CSMD3: variants seen among roughly 807,000 people sequenced by gnomAD.
CSMD3 encodes the protein CUB and sushi domain-containing protein 3.
Under a neutral mutation model 435.2 loss-of-function variants are expected in CSMD3, and 177 were observed. The ratio of observed to expected loss-of-function variants is 0.41; its 90% CI spans 0.36 to 0.46. The LOEUF is 0.46. Among genes scored for constraint, CSMD3 ranks in the 20% least tolerant of loss-of-function variants. CSMD3 has a pLI of 0.34. For missense variants in CSMD3, 4,265 were observed against 4,504.6 expected (o/e 0.95, Z 1.52); for synonymous variants, 1,656 against 1,520.5 (o/e 1.09, Z -2.07).
At chr8:112,831,386 T>C (rs1021958425) in intron 11 of CSMD3, among the ~76,000 whole-genome samples, 34 of 151,690 alleles carry the variant, frequency 2.2e-4, no homozygotes, top group Admixed American at 2.1e-3. Context: ...CATCTTTTGG[T>C]ACACATTTTC....
chr8:113,040,846 CA>C (rs1261337250), intron 5 of CSMD3, among the ~76,000 whole-genome samples: 1 of 151,902 alleles, frequency 6.6e-6, no homozygotes, highest in Non-Finnish European at 1.5e-5. Flanking sequence ...AATAGAAGAC[CA>C]ATAACTTGCT....
chr8:113,088,506 T>C (rs944684790), intron 5 of CSMD3, among the ~76,000 whole-genome samples: 1 of 150,826 alleles, frequency 6.6e-6, no homozygotes, highest in South Asian at 2.1e-4. Context: ...GTGGCACATA[T>C]ACACCATGGA....
chr8:113,035,983 A>G (rs969445845), intron 5 of CSMD3, among the ~76,000 whole-genome samples: 1 of 151,978 alleles, frequency 6.6e-6, no homozygotes, highest in African/African-American at 2.4e-5. Flanking sequence ...ACTATTGCTT[A>G]TAACAAATTT....
intron 38 of CSMD3, among the ~76,000 whole-genome samples, chr8:112,365,299 G>T (rs1827657483): frequency 6.6e-6 from 1 of 151,780 alleles, no homozygotes. Flanking sequence ...ATTAATATTT[G>T]AAACTTATTT....
At chr8:112,332,256 A>G (rs1281344109) in intron 45 of CSMD3, among the ~76,000 whole-genome samples, 1 of 152,146 alleles carries the variant, frequency 6.6e-6, no homozygotes, top group Non-Finnish European at 1.5e-5. Flanking sequence ...GAGTAAGTGT[A>G]ATCATAGAAG....
chr8:112,258,498 T>C (rs1182164753), intron 61 of CSMD3, among the ~76,000 whole-genome samples: 3 of 152,142 alleles, frequency 2.0e-5, no homozygotes, highest in African/African-American at 7.2e-5. Flanking sequence ...AAAGAAGACA[T>C]TTATGCAGCC....
chr8:112,848,185 T>C (rs2129674837), intron 11 of CSMD3, among the ~76,000 whole-genome samples: 1 of 152,266 alleles, frequency 6.6e-6, no homozygotes, highest in East Asian at 1.9e-4. Flanking sequence ...AATGTTGTAA[T>C]GAAGTTTTAT....
chr8:112,809,872 C>T (rs1472942595), intron 12 of CSMD3, among the ~76,000 whole-genome samples: 1 of 152,166 alleles, frequency 6.6e-6, no homozygotes, highest in Non-Finnish European at 1.5e-5. Flanking sequence ...TCAAGAACCT[C>T]CAAGCCATTC....
intron 4 of CSMD3, among the ~76,000 whole-genome samples, chr8:113,133,902 G>T: frequency 2.0e-5 from 3 of 152,062 alleles, no homozygotes; most frequent in Middle Eastern, 6.8e-3. Flanking sequence ...ATGCAGAGGG[G>T]GTAAAGAGGA....
intron 13 of CSMD3, among the ~76,000 whole-genome samples, chr8:112,788,128 T>C (rs2078598574): frequency 6.6e-6 from 1 of 152,140 alleles, no homozygotes; most frequent in Non-Finnish European, 1.5e-5. Context: ...TAAAAAAGTC[T>C]CTTTCAGCTC....
chr8:113,111,713 G>A (rs530631541), intron 4 of CSMD3, among the ~76,000 whole-genome samples: 13 of 152,118 alleles, frequency 8.5e-5, no homozygotes, highest in East Asian at 7.7e-4. Flanking sequence ...AGGGAGTCTC[G>A]CTTTGTCGCT....
chr8:113,212,504 A>T (rs1235901278), intron 3 of CSMD3, among the ~76,000 whole-genome samples: 1 of 152,164 alleles, frequency 6.6e-6, no homozygotes, highest in East Asian at 1.9e-4. Flanking sequence ...CTTTTCTTTC[A>T]TGCTATATTA....
intron 13 of CSMD3, among the ~76,000 whole-genome samples, chr8:112,749,748 C>T (rs980842521): frequency 1.3e-5 from 2 of 152,068 alleles, no homozygotes; most frequent in African/African-American, 4.8e-5. Context: ...AAGTTTTATG[C>T]TCCCTTGGTT....
chr8:112,565,394 CAACA>C (rs1316878963), intron 24 of CSMD3, among the ~76,000 whole-genome samples: 1 of 152,028 alleles, frequency 6.6e-6, no homozygotes, highest in East Asian at 1.9e-4. Flanking sequence ...ACATTGCCAA[CAACA>C]AACCGGTAAC....
At chr8:112,570,065 C>G (rs981620198) in intron 24 of CSMD3, among the ~76,000 whole-genome samples, 1 of 151,368 alleles carries the variant, frequency 6.6e-6, no homozygotes, top group African/African-American at 2.5e-5. Flanking sequence ...TTAGAGTTGG[C>G]CTTAGGAATA....
intron 10 of CSMD3, among the ~76,000 whole-genome samples, chr8:112,879,668 C>T (rs1007032076): frequency 5.3e-5 from 8 of 152,036 alleles, no homozygotes; most frequent in South Asian, 2.1e-4. Flanking sequence ...TAAAATTTCT[C>T]GCTTTTATAC....
At chr8:113,283,832 T>A (rs2093628226) in intron 2 of CSMD3, among the ~76,000 whole-genome samples, 1 of 152,142 alleles carries the variant, frequency 6.6e-6, no homozygotes, top group African/African-American at 2.4e-5. Context: ...TCAACCCACA[T>A]GTCCATCAAT....
intron 13 of CSMD3, among the ~76,000 whole-genome samples, chr8:112,691,347 C>T (rs1219455129): frequency 8.6e-5 from 13 of 151,970 alleles, no homozygotes; most frequent in Admixed American, 8.5e-4. Flanking sequence ...GTTTTAATAT[C>T]AAGGGAAGAT....
Position 112,224,868 on chromosome 8 carries a change from G to A in CSMD3, c.11027C>T (p.Ala3676Val), listed in dbSNP as rs747534256. The part of the protein sequence containing the change: ...SVHENNNGQA[A>V]FENPMYDTNA... ...GGTGTCATACATGGGATTTTCAAAA[G>A]CTGCTTGGCCATTGTTATTTTCATG... Residue 3676 changes from alanine to valine, a missense_variant, in exon 71 of 71, where the codon GCT becomes GTT. Around this residue, in one of 3 missense-constraint regions of CSMD3, gnomAD observed 3,255 missense variants for 3,380.2 expected, o/e 0.96. Transcript: ENST00000297405. 1.1e-5 allele frequency: 17 copies of A among 1,613,918 alleles called. No homozygotes were observed. Among genetic ancestry groups the A allele is most frequent in the African/African-American group, 1.3e-5 (1 of 74,902 alleles).
Sources: gnomAD v4.1 joint callset for allele counts (sites outside exome capture counted in the v4.1 genomes callset) on GRCh38, gnomAD v4.1.1 for gene constraint, gnomAD v4.1.1 regional missense constraint, MANE v1.5 for transcripts, NCBI Gene and HGNC (gene_info 2026-07-23, HGNC 2026-07-21) for gene names.